ARHGEF3: variants seen among roughly 807,000 people sequenced by gnomAD.
ARHGEF3 encodes the protein Rho guanine nucleotide exchange factor 3.
Under a neutral mutation model 63.2 loss-of-function variants are expected in ARHGEF3, and 28 were observed. That is an observed-to-expected ratio of 0.44 (90% CI 0.33 to 0.61). The LOEUF is 0.61. Among genes scored for constraint, ARHGEF3 ranks in the 20% least tolerant of loss-of-function variants. ARHGEF3 has a pLI of 0.03. For missense variants in ARHGEF3, 533 were observed against 659.3 expected, an observed-to-expected ratio of 0.81 and a Z score of 2.10; for synonymous variants, 266 against 254.2, an observed-to-expected ratio of 1.05 and a Z score of -0.44.
chr3:57,061,916 G>A (rs1237827483), intron 1 of ARHGEF3, among the ~76,000 whole-genome samples: 1 of 152,202 alleles, frequency 6.6e-6, no homozygotes, highest in Non-Finnish European at 1.5e-5. Flanking sequence ...CATAGGTTCA[G>A]ATTTAAATTG....
At chr3:56,844,398 T>C (rs986375557) in intron 4 of ARHGEF3, among the ~76,000 whole-genome samples, 4 of 152,238 alleles carry the variant, frequency 2.6e-5, no homozygotes, top group Non-Finnish European at 5.9e-5. Flanking sequence ...AATTGCTACC[T>C]GAAAACTAAG....
chr3:56,790,512 A>C (rs1312887280), intron 1 of ARHGEF3, among the ~76,000 whole-genome samples: 1 of 152,168 alleles, frequency 6.6e-6, no homozygotes, highest in East Asian at 1.9e-4. Context: ...TGAGAAAATG[A>C]ACCAAGACTG....
At chr3:56,752,900 T>C (rs2034860676) in intron 4 of ARHGEF3, among the ~76,000 whole-genome samples, 1 of 152,238 alleles carries the variant, frequency 6.6e-6, no homozygotes, top group African/African-American at 2.4e-5. Flanking sequence ...AACCCTGTGA[T>C]TCTTCGAGGA....
chr3:57,054,531 G>A (rs1347591538), intron 1 of ARHGEF3, among the ~76,000 whole-genome samples: 2 of 151,448 alleles, frequency 1.3e-5, no homozygotes, highest in Admixed American at 6.6e-5. Flanking sequence ...CCAGCGACTC[G>A]GGAGGCTGAG....
chr3:56,745,538 G>A (rs2034325206), intron 6 of ARHGEF3, 76 bp from the exon 7 acceptor site: 1 of 1,523,678 alleles, frequency 6.6e-7, no homozygotes, highest in Non-Finnish European at 8.9e-7. Context: ...ATCATTTATT[G>A]GGACTGAACA....
rs537509168 is a variant in ARHGEF3 at position 56,763,687 on chromosome 3, G to A, written c.205-8536C>T. On this transcript the variant is annotated intron_variant, in intron 2 of 9. Transcript: ENST00000296315. The stretch of plus-strand genomic sequence containing the variant: ...TTACACCCCTGGATGGTGGGACTAC[G>A]GATAATTTTTGTTTTCTTTTTAAAA... Among the ~76,000 whole-genome samples, 153 of 152,100 alleles carry A rather than the reference G, an allele frequency of 1.0e-3. 2 individuals carry two copies. The Middle Eastern group carries it at 0.01, about 10-fold the overall frequency.
intron 3 of ARHGEF3, among the ~76,000 whole-genome samples, chr3:56,903,244 T>C (rs905995330): frequency 2.0e-5 from 3 of 152,104 alleles, no homozygotes; most frequent in Non-Finnish European, 4.4e-5. Context: ...CACTCTGGGA[T>C]TGGCAAAATT....
At chr3:56,898,000 C>T (rs2108299810) in intron 3 of ARHGEF3, among the ~76,000 whole-genome samples, 2 of 152,166 alleles carry the variant, frequency 1.3e-5, no homozygotes, top group South Asian at 4.1e-4. Flanking sequence ...CCACCTTGGC[C>T]TCCCAAGTAG....
intron 4 of ARHGEF3, among the ~76,000 whole-genome samples, chr3:56,853,730 C>G (rs1346553540): frequency 6.6e-6 from 1 of 152,210 alleles, no homozygotes; most frequent in African/African-American, 2.4e-5. Context: ...CATGGATGCT[C>G]ATTCCTTCCC....
chr3:56,819,116 T>A (rs2038373777), intron 4 of ARHGEF3, among the ~76,000 whole-genome samples: 1 of 152,210 alleles, frequency 6.6e-6, no homozygotes, highest in South Asian at 2.1e-4. Context: ...TCCCAGCTGA[T>A]GTTTTTACCA....
intron 1 of ARHGEF3, among the ~76,000 whole-genome samples, chr3:57,043,749 G>C (rs1185895715): frequency 6.6e-6 from 1 of 152,156 alleles, no homozygotes; most frequent in African/African-American, 2.4e-5. Context: ...GAGGAGGAGG[G>C]TGACAGAAAG....
At position 56,801,932 on chromosome 3, in the gene ARHGEF3, G is replaced by A. The variant is rs1293079377; in HGVS notation, c.-134C>T. ...CACGGAGACCGACAGCCGGCTTCTA[G>A]CCGGGCAGGACTCGACTGGGCTCCG... is the stretch of plus-strand genomic sequence containing the variant. On this transcript the variant is annotated 5_prime_UTR_variant, in exon 1 of 10. Transcript: ENST00000296315. 6.5e-7 allele frequency: 1 copy of A among 1,534,238 alleles called. No individual in the cohort carries two copies. Among genetic ancestry groups the A allele is most frequent in the Non-Finnish European group, 8.7e-7 (1 of 1,143,192 alleles).
intron 1 of ARHGEF3, among the ~76,000 whole-genome samples, chr3:57,067,230 T>C (rs995563122): frequency 6.6e-6 from 1 of 151,892 alleles, no homozygotes; most frequent in Non-Finnish European, 1.5e-5. Context: ...GGCGGGTGGA[T>C]CACAAGGTCA....
At chr3:57,010,178 G>A (rs1702627242) in intron 2 of ARHGEF3, among the ~76,000 whole-genome samples, 1 of 152,136 alleles carries the variant, frequency 6.6e-6, no homozygotes, top group Non-Finnish European at 1.5e-5. Context: ...CAGTGGGCCG[G>A]GCGTGGTGGC....
intron 2 of ARHGEF3, among the ~76,000 whole-genome samples, chr3:57,028,699 A>T (rs9867434): frequency 0.13 from 19,190 of 148,764 alleles, 3,185 homozygotes; most frequent in African/African-American, 0.39. Flanking sequence ...TAATAAAAAA[A>T]AAATAAATAA....
At chr3:56,852,082 C>T (rs2039694628) in intron 4 of ARHGEF3, among the ~76,000 whole-genome samples, 2 of 152,188 alleles carry the variant, frequency 1.3e-5, no homozygotes. Flanking sequence ...CCCTGAGGAC[C>T]TGTGAGTCTT....
At chr3:56,998,235 G>GCA (rs1702065663) in intron 2 of ARHGEF3, among the ~76,000 whole-genome samples, 1 of 151,908 alleles carries the variant, frequency 6.6e-6, no homozygotes, top group African/African-American at 2.4e-5. Context: ...AACTCTCTCT[G>GCA]CACACACACA....
intron 1 of ARHGEF3, among the ~76,000 whole-genome samples, chr3:57,054,042 T>C (rs1366336672): frequency 6.6e-6 from 1 of 152,208 alleles, no homozygotes; most frequent in East Asian, 1.9e-4. Context: ...TGCTGCAGCA[T>C]AGGTAGGCAT....
chr3:56,838,975 T>TA (rs1168279144), intron 4 of ARHGEF3, among the ~76,000 whole-genome samples: 4 of 151,080 alleles, frequency 2.6e-5, no homozygotes, highest in South Asian at 4.2e-4. Context: ...TCTACAAAAA[T>TA]AAAAAAAATA....
Sources: allele counts gnomAD v4.1 joint callset (sites outside exome capture counted in the v4.1 genomes callset), GRCh38; gene constraint gnomAD v4.1.1; transcripts MANE v1.5; gene names NCBI Gene and HGNC (gene_info 2026-07-23, HGNC 2026-07-21).